Variants in IGF1R observed in about 807,000 individuals in gnomAD.
The protein encoded by IGF1R is insulin like growth factor 1 receptor, also known as insulin-like growth factor 1 receptor.
A neutral mutation model predicts 144.6 loss-of-function variants in IGF1R; 44 were observed. That is an observed-to-expected ratio of 0.30 (90% confidence interval 0.24 to 0.39). The LOEUF (loss-of-function observed/expected upper bound fraction) is 0.39, where lower values mean the gene tolerates loss of function less well. Among genes scored for constraint, IGF1R ranks in the 10% least tolerant of loss-of-function variants. IGF1R has a pLI of 1.00. For missense variants in IGF1R, 1,355 were observed against 1,833.7 expected, an observed-to-expected ratio of 0.74 and a Z score of 4.77; for synonymous variants, 795 against 722.8, an observed-to-expected ratio of 1.10 and a Z score of -1.60.
intron 2 of IGF1R, among the ~76,000 whole-genome samples, chr15:98,714,930 GA>G (rs1203698083): frequency 6.6e-6 from 1 of 152,146 alleles, no homozygotes; most frequent in Non-Finnish European, 1.5e-5. Flanking sequence ...AGACGATCAT[GA>G]CACAGGCTTG....
intron 2 of IGF1R, among the ~76,000 whole-genome samples, chr15:98,776,345 G>A (rs903640664): frequency 2.6e-5 from 4 of 151,774 alleles, no homozygotes; most frequent in Non-Finnish European, 5.9e-5. Flanking sequence ...CCACCATGCC[G>A]GGCTAATTTT....
chr15:98,938,498 C>T (rs1463712988), intron 17 of IGF1R, among the ~76,000 whole-genome samples: 1 of 152,306 alleles, frequency 6.6e-6, no homozygotes, highest in East Asian at 1.9e-4. Flanking sequence ...CCAAAGCCAG[C>T]ACGTTGCTGT....
intron 1 of IGF1R, among the ~76,000 whole-genome samples, chr15:98,651,369 C>T (rs933781572): frequency 6.6e-6 from 1 of 152,222 alleles, no homozygotes; most frequent in Non-Finnish European, 1.5e-5. Flanking sequence ...TCTTTGTTTT[C>T]TAAACTTTCA....
intron 1 of IGF1R, among the ~76,000 whole-genome samples, chr15:98,698,716 G>A (rs2053655871): frequency 6.6e-6 from 1 of 152,212 alleles, no homozygotes; most frequent in African/African-American, 2.4e-5. Flanking sequence ...GCTGGTCTCT[G>A]AATACTAGCC....
chr15:98,798,472 C>G (rs139460857), intron 2 of IGF1R, among the ~76,000 whole-genome samples: 1 of 151,934 alleles, frequency 6.6e-6, no homozygotes, highest in African/African-American at 2.4e-5. Context: ...CAGGACCATG[C>G]TGGCAGCTGC....
chr15:98,950,204 C>G (rs1039797667), intron 20 of IGF1R, among the ~76,000 whole-genome samples: 1 of 152,238 alleles, frequency 6.6e-6, no homozygotes, highest in African/African-American at 2.4e-5. Context: ...ATCCACCCCC[C>G]TGGAGCCAGC....
At position 98,938,275 on chromosome 15, in the gene IGF1R, G is replaced by T. The variant is rs117063060; in HGVS notation, c.3298-926G>T. Among the ~76,000 whole-genome samples, 447 of 152,354 alleles carry T rather than the reference G, an allele frequency of 2.9e-3. 2 individuals are homozygous for T. The highest frequency in any genetic ancestry group is 5.2e-3 in the Non-Finnish European group (355 of 68,028). On this transcript the variant is annotated intron_variant, in intron 17 of 20. Coordinates refer to ENST00000650285, the MANE Select transcript of IGF1R (RefSeq NM_000875.5). Reference sequence around the variant, plus strand: ...TGGCCGGCCTGCAAGTGTGGGACCTGTCAGAGCCCTATGGCTTTGCAGTGC... The same window carrying T: ...TGGCCGGCCTGCAAGTGTGGGACCTTTCAGAGCCCTATGGCTTTGCAGTGC...
Position 98,957,772 on chromosome 15 carries a change from T to G in IGF1R, c.*330T>G, listed in dbSNP as rs2017066670. ...CCTGTCCTTCCCTGTTCTCCCTTTC[T>G]CTCTCCTCTCTGCTTCATAACGGAA... On this transcript the variant is annotated 3_prime_UTR_variant, in exon 21 of 21. Transcript: ENST00000650285. 2.5e-6 allele frequency: 1 copy of G among 400,968 alleles called. No homozygotes were observed. Among genetic ancestry groups the G allele is most frequent in the East Asian group, 4.2e-5 (1 of 24,036 alleles). 24.8% of individuals were successfully genotyped at this position (400,968 alleles called of 1,614,324 possible).
chr15:98,763,653 G>A (rs1273866243), intron 2 of IGF1R, among the ~76,000 whole-genome samples: 1 of 152,098 alleles, frequency 6.6e-6, no homozygotes, highest in East Asian at 1.9e-4. Context: ...TCTCATCCAG[G>A]TTGTAATCTT....
At chr15:98,912,981 G>C (rs2015087933) in intron 7 of IGF1R, 63 bp from the exon 8 acceptor site, 2 of 1,086,262 alleles carry the variant, frequency 1.8e-6, no homozygotes, top group Admixed American at 3.4e-5. Context: ...GGCCTCTGGG[G>C]AAGATTTTTG....
chr15:98,722,816 G>A (rs1369806455), intron 2 of IGF1R, among the ~76,000 whole-genome samples: 1 of 152,182 alleles, frequency 6.6e-6, no homozygotes, highest in Non-Finnish European at 1.5e-5. Flanking sequence ...GGCATGCAGT[G>A]GGTGAGAGAG....
chr15:98,949,379 C>CT (rs5814914), intron 20 of IGF1R, among the ~76,000 whole-genome samples: 75,152 of 135,268 alleles, frequency 0.56, 21,513 homozygotes, highest in South Asian at 0.7. Context: ...TCTCACTGCA[C>CT]TTTTTTTTTT....
intron 2 of IGF1R, among the ~76,000 whole-genome samples, chr15:98,785,366 C>T (rs2055967824): frequency 1.3e-5 from 2 of 152,278 alleles, no homozygotes; most frequent in Non-Finnish European, 2.9e-5. Flanking sequence ...ATTCCCTCTT[C>T]CCTTTGTAGC....
intron 2 of IGF1R, among the ~76,000 whole-genome samples, chr15:98,804,983 G>A (rs1167216089): frequency 1.3e-5 from 2 of 152,172 alleles, no homozygotes; most frequent in African/African-American, 4.8e-5. Flanking sequence ...GGCATGAGCC[G>A]CCACTCCCGG....
At chr15:98,927,447 A>G (rs1464376816) in intron 13 of IGF1R, among the ~76,000 whole-genome samples, 1 of 152,228 alleles carries the variant, frequency 6.6e-6, no homozygotes, top group East Asian at 1.9e-4. Context: ...TTGTAGCCCA[A>G]TATCATACAC....
chr15:98,810,587 A>C (rs1001309444), intron 2 of IGF1R, among the ~76,000 whole-genome samples: 2 of 140,802 alleles, frequency 1.4e-5, no homozygotes, highest in East Asian at 4.1e-4. Context: ...GAGTCTCTGT[A>C]GCCCAGGCTG....
At chr15:98,723,963 C>T (rs1418301514) in intron 2 of IGF1R, among the ~76,000 whole-genome samples, 2 of 152,024 alleles carry the variant, frequency 1.3e-5, no homozygotes, top group African/African-American at 4.8e-5. Context: ...ATTATGGCAG[C>T]GAGGGCAAAT....
At chr15:98,884,770 C>T (rs2013557100) in intron 2 of IGF1R, among the ~76,000 whole-genome samples, 1 of 151,862 alleles carries the variant, frequency 6.6e-6, no homozygotes, top group African/African-American at 2.4e-5. Context: ...TCCTCATCTG[C>T]ACTGCTGTCC....
chr15:98,921,910 C>T (rs2015504157), intron 10 of IGF1R, among the ~76,000 whole-genome samples: 1 of 151,958 alleles, frequency 6.6e-6, no homozygotes, highest in Admixed American at 6.5e-5. Flanking sequence ...ATCGAAGAAC[C>T]ACTCTGAGAG....
Sources: gnomAD v4.1 joint callset for allele counts (sites outside exome capture counted in the v4.1 genomes callset) on GRCh38, gnomAD v4.1.1 for gene constraint, MANE v1.5 for transcripts, NCBI Gene and HGNC (gene_info 2026-07-23, HGNC 2026-07-21) for gene names.